SFSWAP: variants seen among roughly 807,000 people sequenced by gnomAD.
The protein encoded by SFSWAP is splicing factor, suppressor of white-apricot homolog.
In SFSWAP, 17 loss-of-function variants were observed where a neutral mutation model predicts 100.7. That is an observed-to-expected ratio of 0.17 (90% CI 0.12 to 0.25). SFSWAP has a LOEUF of 0.25. Among genes scored for constraint, SFSWAP ranks in the 10% least tolerant of loss-of-function variants. The pLI is 1.00. For synonymous variants in SFSWAP, 504 were observed against 510.1 expected, an observed-to-expected ratio of 0.99 and a Z score of 0.16; for missense variants, 1,005 against 1,262.6, an observed-to-expected ratio of 0.80 and a Z score of 3.09.
intron 7 of SFSWAP, among the ~76,000 whole-genome samples, chr12:131,743,654 T>C (rs1391511918): frequency 6.6e-6 from 1 of 152,218 alleles, no homozygotes; most frequent in Non-Finnish European, 1.5e-5. Flanking sequence ...AAGCTGTTGG[T>C]GGATCTACCA....
chr12:131,725,838 A>G lies in SFSWAP; in HGVS notation c.832+208A>G, dbSNP rs537281008. ...GTGCACCTTTATTAAATCTTTGGTT[A>G]ATATTTTATAGATAAATGAAATATA... On this transcript the variant is annotated intron_variant, in intron 5 of 17. Transcript: ENST00000261674. This position sits in a 1 kb window ranked among gnomAD's most constrained non-coding sequence, Gnocchi z 4.3. Among the ~76,000 whole-genome samples, 1 of 152,220 alleles carries G rather than the reference A, an allele frequency of 6.6e-6. No individual in the cohort carries two copies. The highest frequency in any genetic ancestry group is 1.5e-5 in the Non-Finnish European group (1 of 68,046).
rs371219462 is a variant in SFSWAP at position 131,725,654 on chromosome 12, G to A, written c.832+24G>A. 4.1e-5 allele frequency: 65 copies of A among 1,572,020 alleles called. No individual in the cohort carries two copies. The highest frequency in any genetic ancestry group is 2.7e-4 in the African/African-American group (20 of 74,108). On this transcript the variant is annotated intron_variant, in intron 5 of 17. Coordinates refer to ENST00000261674, the MANE Select transcript of SFSWAP (RefSeq NM_004592.4). The surrounding 1 kb of genome is among the most constrained non-coding windows in gnomAD (Gnocchi z 4.3). ...AAGTAGGTCCCACTGCGTCTGTTCC[G>A]TCCAGACTTTGGGCCTGTGTTGTGG...
intron 16 of SFSWAP, among the ~76,000 whole-genome samples, chr12:131,798,534 G>A (rs935189553): frequency 2.6e-5 from 4 of 152,156 alleles, no homozygotes; most frequent in Non-Finnish European, 5.9e-5. Context: ...GAGTTAGATT[G>A]CAATTTGTAA....
chr12:131,724,384 G>A (rs1878766624), intron 4 of SFSWAP, among the ~76,000 whole-genome samples: 1 of 152,198 alleles, frequency 6.6e-6, no homozygotes, highest in African/African-American at 2.4e-5. Context: ...CATACAGTGG[G>A]CCTTTAACAT....
intron 11 of SFSWAP, among the ~76,000 whole-genome samples, chr12:131,759,971 G>C (rs1161075860): frequency 6.6e-6 from 1 of 152,156 alleles, no homozygotes; most frequent in African/African-American, 2.4e-5. Flanking sequence ...CTCAGATGTT[G>C]ATGATGAAAC....
Position 131,778,373 on chromosome 12 carries a change from C to A in SFSWAP, c.2408+43C>A. The stretch of plus-strand genomic sequence containing the variant: ...AGCACCTCTGGTACCCTCATGACCC[C>A]CATGTCCTTCACAGGACACCCAGTA... On this transcript the variant is annotated intron_variant, in intron 14 of 17. Coordinates refer to ENST00000261674, the MANE Select transcript of SFSWAP (RefSeq NM_004592.4). This position sits in a 1 kb window ranked among gnomAD's most constrained non-coding sequence, Gnocchi z 4.2. The A allele has an allele frequency of 6.3e-7, 1 of 1,587,874 alleles. No individual in the cohort carries two copies. Among genetic ancestry groups the A allele is most frequent in the Non-Finnish European group, 8.6e-7 (1 of 1,167,638 alleles).
rs556422191 is a variant in SFSWAP at position 131,768,721 on chromosome 12, G to A, written c.2142+2413G>A. ...AGGTGGGAACCCCCAGCAGCCCCCC[G>A]GGACGCCGTCTCACAGCCTTTCCAC... On this transcript the variant is annotated intron_variant, in intron 13 of 17. Transcript: ENST00000261674. Among the ~76,000 whole-genome samples the A allele has an allele frequency of 2.0e-5, 3 of 152,282 alleles. No individual in the cohort carries two copies. The South Asian group carries it at 6.2e-4, about 32-fold the overall frequency.
intron 14 of SFSWAP, among the ~76,000 whole-genome samples, chr12:131,779,507 C>T (rs1285627971): frequency 2.6e-5 from 4 of 152,190 alleles, no homozygotes; most frequent in Admixed American, 2.0e-4. Flanking sequence ...CAGTGGCTGA[C>T]CTACAGGAGG....
chr12:131,722,816 G>T (rs1003326579), intron 4 of SFSWAP, among the ~76,000 whole-genome samples: 1 of 152,108 alleles, frequency 6.6e-6, no homozygotes, highest in Non-Finnish European at 1.5e-5. Context: ...AGGCGTGGTG[G>T]TACATGCCTG....
At chr12:131,776,299 G>A (rs759525398) in intron 13 of SFSWAP, among the ~76,000 whole-genome samples, 1 of 152,230 alleles carries the variant, frequency 6.6e-6, no homozygotes, top group Admixed American at 6.5e-5. Context: ...ATCCCAAGGA[G>A]GAATTCATCC....
intron 11 of SFSWAP, among the ~76,000 whole-genome samples, chr12:131,758,458 G>A (rs571432033): frequency 4.6e-5 from 7 of 152,184 alleles, no homozygotes; most frequent in East Asian, 1.9e-4. Flanking sequence ...GAAAAGATGC[G>A]GAGACAGAAA....
chr12:131,716,076 T>C (rs1395091888), intron 3 of SFSWAP, among the ~76,000 whole-genome samples: 1 of 152,208 alleles, frequency 6.6e-6, no homozygotes, highest in East Asian at 1.9e-4. Flanking sequence ...TGCCCTTCCA[T>C]CCTGTGACTG....
intron 3 of SFSWAP, among the ~76,000 whole-genome samples, chr12:131,718,861 C>T (rs1878177297): frequency 6.6e-6 from 1 of 152,164 alleles, no homozygotes; most frequent in South Asian, 2.1e-4. Flanking sequence ...GCTATCTCAC[C>T]TAAGCCCCAC....
At chr12:131,753,467 A>G in intron 8 of SFSWAP, 104 bp downstream of exon 8, 3 of 1,408,952 alleles carry the variant, frequency 2.1e-6, no homozygotes, top group Non-Finnish European at 2.8e-6. Flanking sequence ...GATCATATAC[A>G]GGGGTCCCCA....
In SFSWAP at chr12:131,714,948, A is replaced by G. The variant is rs374581630; in HGVS notation, c.515A>G (p.Gln172Arg). ...EPTEEEEPSK[Q>R]REKNEAENLE... Reference sequence around the variant, plus strand: ...ACGGAGGAGGAGGAGCCTTCCAAACAGAGAGGTGAGTGGGGAGCTGCCTGG... The same window carrying G: ...ACGGAGGAGGAGGAGCCTTCCAAACGGAGAGGTGAGTGGGGAGCTGCCTGG... The change falls in exon 3 of 18, where the codon CAG (glutamine) becomes CGG (arginine). Residue 172 changes from glutamine to arginine, a missense_variant. Physicochemically the swap from Gln to Arg is conservative, Grantham distance 43 (BLOSUM62 1). Transcript: ENST00000261674. This position sits in a 1 kb window ranked among gnomAD's most constrained non-coding sequence, Gnocchi z 6.0. 3.7e-6 allele frequency: 6 copies of G among 1,613,816 alleles called. No individual in the cohort carries two copies. The highest frequency in any genetic ancestry group is 5.1e-6 in the Non-Finnish European group (6 of 1,180,008).
intron 4 of SFSWAP, among the ~76,000 whole-genome samples, chr12:131,719,779 A>C (rs1878294836): frequency 6.6e-6 from 1 of 152,204 alleles, no homozygotes; most frequent in Admixed American, 6.5e-5. Flanking sequence ...GGTGTGATTC[A>C]GCGGCCATGT....
chr12:131,711,368 G>A lies in SFSWAP; in HGVS notation c.139G>A (p.Asp47Asn). 1.9e-6 allele frequency: 3 copies of A among 1,614,014 alleles called. No individual in the cohort carries two copies. The highest frequency in any genetic ancestry group is 3.3e-5 in the Admixed American group (2 of 60,026). The change falls in exon 1 of 18, where the codon GAC becomes AAC. Residue 47 changes from aspartate (D) to asparagine (N), a missense_variant. Asp to Asn is a conservative substitution (Grantham distance 23). Coordinates refer to ENST00000261674, the MANE Select transcript of SFSWAP (RefSeq NM_004592.4). This position sits in a 1 kb window ranked among gnomAD's most constrained non-coding sequence, Gnocchi z 4.9. ...CGGCTATGCCTGCAAGCTGTTCCGG[G>A]ACGACGAGCGGGCCCTGGCTCAGGA... ...VFGYACKLFR[D>N]DERALAQEQG...
At chr12:131,720,444 A>T (rs1163966153) in intron 4 of SFSWAP, among the ~76,000 whole-genome samples, 1 of 152,142 alleles carries the variant, frequency 6.6e-6, no homozygotes. Context: ...GAAGGTTGAA[A>T]ATCTTTTTGT....
Position 131,778,106 on chromosome 12 carries a change from G to T in SFSWAP, c.2184G>T (p.Arg728Ser). 6.2e-7 allele frequency: 1 copy of T among 1,613,848 alleles called. No individual in the cohort carries two copies. Among genetic ancestry groups the T allele is most frequent in the Middle Eastern group, 1.6e-4 (1 of 6,062 alleles). ...CCTGCCCTCTACTGACTGGAGGCAG[G>T]CCTCTGCCTACTTTAGAAGTTAAAC... ...TTPCPLLTGGRPLPTLEVKPP... is the reference protein window; with the variant it reads ...TTPCPLLTGGSPLPTLEVKPP... The change falls in exon 14 of 18, where the codon AGG becomes AGT. Residue 728 changes from arginine to serine, a missense_variant. Physicochemically the swap from Arg to Ser is moderately radical, Grantham distance 110. Around this residue, in one of 7 missense-constraint regions of SFSWAP, gnomAD observed 295 missense variants for 347.9 expected, o/e 0.85. Transcript: ENST00000261674. The surrounding 1 kb of genome is among the most constrained non-coding windows in gnomAD (Gnocchi z 4.2).
Sources: gnomAD v4.1 joint callset for allele counts (sites outside exome capture counted in the v4.1 genomes callset) on GRCh38, gnomAD v4.1.1 for gene constraint, gnomAD v4.1.1 regional missense constraint, Gnocchi (gnomAD v3.1) non-coding constraint, MANE v1.5 for transcripts, NCBI Gene and HGNC (gene_info 2026-07-23, HGNC 2026-07-21) for gene names.